Variants in NEGR1 observed in about 807,000 individuals in gnomAD.
The protein encoded by NEGR1 is IgLON family member 4.
In NEGR1, 10 loss-of-function variants were observed where a neutral mutation model predicts 40.9. The observed-to-expected ratio is 0.24, with a 90% confidence interval of 0.15 to 0.42. NEGR1 has a LOEUF of 0.42. NEGR1 is among the 10% of genes least tolerant of loss of function. The probability of loss-of-function intolerance (pLI) is 1.00; values close to 1 mark genes in which losing one functional copy is unlikely to be tolerated. For synonymous variants in NEGR1, 185 were observed against 166.8 expected, an observed-to-expected ratio of 1.11 and a Z score of -0.84; for missense variants, 352 against 438.9, an observed-to-expected ratio of 0.80 and a Z score of 1.77.
chr1:71,539,008 T>A (rs754710189), intron 6 of NEGR1, among the ~76,000 whole-genome samples: 1 of 151,712 alleles, frequency 6.6e-6, no homozygotes, highest in Admixed American at 6.6e-5. Context: ...ATGGTTGTTG[T>A]TTAAAGGATG....
At chr1:72,084,102 T>A (rs1381090032) in intron 1 of NEGR1, among the ~76,000 whole-genome samples, 1 of 152,046 alleles carries the variant, frequency 6.6e-6, no homozygotes, top group Non-Finnish European at 1.5e-5. Flanking sequence ...ATAGTTTTCT[T>A]TTTTTTTCTT....
chr1:71,899,153 C>T (rs1374453135), intron 2 of NEGR1, among the ~76,000 whole-genome samples: 2 of 151,024 alleles, frequency 1.3e-5, no homozygotes, highest in East Asian at 3.9e-4. Context: ...GAAATTCAAC[C>T]TTTGTCCCCT....
chr1:71,583,904 G>A (rs974250232), intron 6 of NEGR1, among the ~76,000 whole-genome samples: 3 of 152,158 alleles, frequency 2.0e-5, no homozygotes, highest in East Asian at 1.9e-4. Context: ...GAAAGGAACC[G>A]AAGATTATGC....
intron 2 of NEGR1, among the ~76,000 whole-genome samples, chr1:71,798,694 AT>A (rs199860537): frequency 1.3e-5 from 2 of 152,012 alleles, no homozygotes; most frequent in South Asian, 2.1e-4. Flanking sequence ...GAAACCTAAT[AT>A]TTTTTTTCCT....
rs548487744 is a variant in NEGR1, at chr1:72,168,075, G to A, written c.176+114244C>T. ...GGCTGGAGTGCAGTGGCGTGATCTCGGCTAACTGCAACCTCCACCTCCCAG... is the reference window on the plus strand; with the variant it reads ...GGCTGGAGTGCAGTGGCGTGATCTCAGCTAACTGCAACCTCCACCTCCCAG... On this transcript the variant is annotated intron_variant, in intron 1 of 6. Coordinates refer to ENST00000357731, the MANE Select transcript of NEGR1 (RefSeq NM_173808.3). Among the ~76,000 whole-genome samples, 13 of 150,254 alleles carry A rather than the reference G, an allele frequency of 8.7e-5. 1 individual carries two copies. In the South Asian group the frequency reaches 2.3e-3, roughly 27 times the overall value.
chr1:71,629,265 A>G (rs1185083873), intron 4 of NEGR1, among the ~76,000 whole-genome samples: 2 of 151,448 alleles, frequency 1.3e-5, no homozygotes, highest in African/African-American at 4.8e-5. Flanking sequence ...GGTTGTTAAA[A>G]AAAAAGAAAA....
chr1:71,834,463 G>A lies in NEGR1; in HGVS notation c.410-58166C>T, dbSNP rs199953262. ...AATTCACCACCCACCCCCACCCCCT[G>A]CCAACCATTTTTTTTTCCTCCCTCA... On this transcript the variant is annotated intron_variant, in intron 2 of 6. Coordinates refer to ENST00000357731, the MANE Select transcript of NEGR1 (RefSeq NM_173808.3). 1.5e-4 allele frequency among the ~76,000 whole-genome samples: 17 copies of A among 111,258 alleles called. No homozygotes were observed. In the East Asian group the frequency reaches 4.5e-3, roughly 29 times the overall value. The allele number at this position is 111,258 out of a possible 152,430, so 73.0% of individuals were successfully genotyped here.
chr1:71,915,186 T>A (rs1478441669), intron 2 of NEGR1, among the ~76,000 whole-genome samples: 2 of 152,178 alleles, frequency 1.3e-5, no homozygotes, highest in East Asian at 3.8e-4. Context: ...TAATTCTGAT[T>A]TTAAAAAGTG....
chr1:71,598,148 A>G (rs1649791663), intron 5 of NEGR1, among the ~76,000 whole-genome samples: 1 of 152,194 alleles, frequency 6.6e-6, no homozygotes, highest in African/African-American at 2.4e-5. Context: ...AGATTTAAAT[A>G]TAGGTCCTCT....
At chr1:71,777,214 GA>G (rs1656544063) in intron 2 of NEGR1, among the ~76,000 whole-genome samples, 1 of 152,094 alleles carries the variant, frequency 6.6e-6, no homozygotes, top group South Asian at 2.1e-4. Flanking sequence ...GCATTATTTA[GA>G]GTAAGTTATT....
At chr1:72,173,098 C>T (rs1350074362) in intron 1 of NEGR1, among the ~76,000 whole-genome samples, 2 of 151,698 alleles carry the variant, frequency 1.3e-5, no homozygotes, top group Admixed American at 1.3e-4. Flanking sequence ...CCTGGACCTC[C>T]TGCACTCAAG....
chr1:71,984,601 T>G (rs1646379711), intron 1 of NEGR1, among the ~76,000 whole-genome samples: 1 of 152,204 alleles, frequency 6.6e-6, no homozygotes, highest in South Asian at 2.1e-4. Flanking sequence ...TTAATCTCAC[T>G]CTCATTGAAT....
At position 71,404,991 on chromosome 1, in the gene NEGR1, G is replaced by A. The variant is rs1418609536; in HGVS notation, c.*2455C>T. 1.3e-5 allele frequency: 2 copies of A among 152,106 alleles called. No homozygotes were observed. Among genetic ancestry groups the A allele is most frequent in the Non-Finnish European group, 3.0e-5 (2 of 67,720 alleles). 9.4% of individuals were successfully genotyped at this position (152,106 alleles called of 1,614,324 possible). A position where few individuals can be genotyped will look rare whatever the true frequency, so the allele number is the denominator to read the frequency against. The stretch of plus-strand genomic sequence containing the variant: ...TCATAAATACTCATGATTTCACTCT[G>A]TCCGAGGGCCTAAGGACTAGGAATG... On this transcript the variant is annotated 3_prime_UTR_variant, in exon 7 of 7. Transcript: ENST00000357731.
intron 1 of NEGR1, among the ~76,000 whole-genome samples, chr1:72,199,710 C>A (rs1004020164): frequency 5.3e-5 from 8 of 151,888 alleles, no homozygotes; most frequent in African/African-American, 1.9e-4. Context: ...AGCTCAGAGA[C>A]CTACTGCATT....
rs148834439 is a variant in NEGR1, at chr1:71,468,295, A to G, written c.941-60725T>C. The G allele has an allele frequency of 2.0e-5, 3 of 152,094 alleles. No homozygotes were observed. In the East Asian group the frequency reaches 5.8e-4, roughly 29 times the overall value. The allele number at this position is 152,094 out of a possible 1,614,324, so 9.4% of individuals were successfully genotyped here. ...TTTCTTATTCATAGGTGAGTCTTGCATATCTGATGAATCCACCAGTAAAAG... is the reference window on the plus strand; with the variant it reads ...TTTCTTATTCATAGGTGAGTCTTGCGTATCTGATGAATCCACCAGTAAAAG... On this transcript the variant is annotated intron_variant, in intron 6 of 6. Coordinates refer to ENST00000357731, the MANE Select transcript of NEGR1 (RefSeq NM_173808.3).
intron 6 of NEGR1, among the ~76,000 whole-genome samples, chr1:71,511,120 C>T (rs1347810547): frequency 2.0e-5 from 3 of 152,180 alleles, no homozygotes; most frequent in Non-Finnish European, 4.4e-5. Flanking sequence ...GATGGTAAGA[C>T]AGAGCATTTT....
chr1:71,703,876 T>A (rs12044128), intron 3 of NEGR1, among the ~76,000 whole-genome samples: 49,537 of 151,286 alleles, frequency 0.33, 9,803 homozygotes, highest in East Asian at 0.46. Context: ...ACAGAAAAAA[T>A]ATATTAAGAA....
At chr1:72,136,220 A>G (rs1251929913) in intron 1 of NEGR1, among the ~76,000 whole-genome samples, 1 of 152,214 alleles carries the variant, frequency 6.6e-6, no homozygotes, top group Non-Finnish European at 1.5e-5. Flanking sequence ...AAGCACATGT[A>G]TTAAGCAGTT....
rs67575298 is a variant in NEGR1 at position 72,079,086 on chromosome 1, AATATATATATATAT to A, written c.177-143789_177-143776del. The stretch of plus-strand genomic sequence containing the variant: ...ATATGTCAATGGTTACATTTAACAG[AATATATATATATAT>A]ATATATATATAATATTATATACATA... On this transcript the variant is annotated intron_variant, in intron 1 of 6. Transcript: ENST00000357731. Among the ~76,000 whole-genome samples the A allele has an allele frequency of 3.5e-5, 5 of 142,396 alleles. No homozygotes were observed. The East Asian group carries it at 1.1e-3, about 32-fold the overall frequency. The allele number at this position is 142,396 out of a possible 152,430, so 93.4% of individuals were successfully genotyped here. A position where few individuals can be genotyped will look rare whatever the true frequency, so the allele number is the denominator to read the frequency against.
Sources: gnomAD v4.1 joint callset for allele counts (sites outside exome capture counted in the v4.1 genomes callset) on GRCh38, gnomAD v4.1.1 for gene constraint, MANE v1.5 for transcripts, NCBI Gene and HGNC (gene_info 2026-07-23, HGNC 2026-07-21) for gene names.